The following NOX3 variants were observed in gnomAD, a reference collection of about 807,000 sequenced individuals.
The protein encoded by NOX3 is NADPH oxidase catalytic subunit-like 3.
Under a neutral mutation model 76.7 loss-of-function variants are expected in NOX3, and 74 were observed. That is an observed-to-expected ratio of 0.96 (90% CI 0.80 to 1.17). The LOEUF (loss-of-function observed/expected upper bound fraction) is 1.17, where lower values mean the gene tolerates loss of function less well. Ranked by LOEUF, NOX3 falls within the 50% of genes most tolerant of loss-of-function variation. The pLI is 0.00. For synonymous variants in NOX3, 263 were observed against 261.1 expected (o/e 1.01, Z -0.07); for missense variants, 695 against 703.3 (o/e 0.99, Z 0.13).
intron 7 of NOX3, among the ~76,000 whole-genome samples, chr6:155,432,390 C>G (rs553924978): frequency 7.4e-6 from 1 of 135,568 alleles, no homozygotes; most frequent in Admixed American, 8.7e-5. Context: ...CACCTTACTC[C>G]TTGAATAGTA....
intron 10 of NOX3, among the ~76,000 whole-genome samples, chr6:155,414,622 TC>T (rs1356720701): frequency 3.1e-5 from 4 of 128,758 alleles, no homozygotes; most frequent in African/African-American, 1.0e-4. Context: ...TTCTTTTCTT[TC>T]TTTTTTTTTT....
At chr6:155,419,043 C>T (rs944399904) in intron 10 of NOX3, among the ~76,000 whole-genome samples, 5 of 152,194 alleles carry the variant, frequency 3.3e-5, no homozygotes, top group African/African-American at 1.2e-4. Context: ...TGTGAAGACA[C>T]CGTTAGATAA....
rs1256845254 is a variant in NOX3, at chr6:155,442,254, ACT to A, written c.486+1017_486+1018del. 2.0e-5 allele frequency among the ~76,000 whole-genome samples: 3 copies of A among 152,046 alleles called. No homozygotes were observed. The South Asian group carries it at 6.2e-4, about 32-fold the overall frequency. On this transcript the variant is annotated intron_variant, in intron 5 of 13. Coordinates refer to ENST00000159060, the MANE Select transcript of NOX3 (RefSeq NM_015718.3). ...ACTCCAGCTCTGGCAACAGAGTGAG[ACT>A]CTGTCTCAAAAAAAATAAATAAATA...
intron 4 of NOX3, 101 bp from the exon 5 acceptor site, chr6:155,443,519 T>G (rs1308881257): frequency 2.2e-5 from 31 of 1,384,218 alleles, no homozygotes; most frequent in Non-Finnish European, 3.0e-5. Flanking sequence ...TCTGTTCTGG[T>G]TTTTGTAATC....
At chr6:155,428,025 C>A (rs943454822) in intron 9 of NOX3, among the ~76,000 whole-genome samples, 2 of 152,202 alleles carry the variant, frequency 1.3e-5, no homozygotes, top group Non-Finnish European at 2.9e-5. Context: ...CTCAGCCACC[C>A]AGATAGCTGG....
At chr6:155,398,450 C>G (rs533961377) in intron 12 of NOX3, among the ~76,000 whole-genome samples, 2 of 152,284 alleles carry the variant, frequency 1.3e-5, no homozygotes, top group East Asian at 3.9e-4. Context: ...TGCCATGTGT[C>G]ATAGCCACAT....
At chr6:155,409,682 A>G (rs1225996241) in intron 11 of NOX3, among the ~76,000 whole-genome samples, 1 of 152,324 alleles carries the variant, frequency 6.6e-6, no homozygotes, top group South Asian at 2.1e-4. Context: ...CTTTCCCGAC[A>G]GAATGCACCA....
intron 4 of NOX3, among the ~76,000 whole-genome samples, chr6:155,448,641 CAAAAAA>C (rs34503841): frequency 4.4e-5 from 5 of 113,922 alleles, no homozygotes; most frequent in Non-Finnish European, 1.8e-5. Flanking sequence ...AAGAGTGAAC[CAAAAAA>C]AAAAAAAAAA....
chr6:155,414,575 T>A (rs1776598743), intron 10 of NOX3, among the ~76,000 whole-genome samples: 1 of 151,702 alleles, frequency 6.6e-6, no homozygotes, highest in African/African-American at 2.4e-5. Context: ...ATAAAATTAT[T>A]TTTTTTTACA....
chr6:155,444,217 A>G (rs1243550815), intron 4 of NOX3, among the ~76,000 whole-genome samples: 1 of 152,204 alleles, frequency 6.6e-6, no homozygotes, highest in African/African-American at 2.4e-5. Context: ...GTCAACCACA[A>G]TCAGAAAATA....
At chr6:155,433,545 C>G (rs1292026503) in intron 7 of NOX3, among the ~76,000 whole-genome samples, 2 of 152,220 alleles carry the variant, frequency 1.3e-5, no homozygotes, top group African/African-American at 2.4e-5. Context: ...AAAATGGGAA[C>G]TAGCTGGAGA....
chr6:155,426,550 C>T (rs545687859), intron 9 of NOX3, among the ~76,000 whole-genome samples: 2 of 152,196 alleles, frequency 1.3e-5, no homozygotes, highest in Admixed American at 1.3e-4. Context: ...GAACAGAGAC[C>T]TGAAGGAAGA....
At chr6:155,405,569 A>G (rs1288345108) in intron 12 of NOX3, among the ~76,000 whole-genome samples, 2 of 152,162 alleles carry the variant, frequency 1.3e-5, no homozygotes, top group East Asian at 3.8e-4. Context: ...TATGACAGGC[A>G]TCATAAGCTA....
chr6:155,430,012 A>G (rs527253975), intron 8 of NOX3, among the ~76,000 whole-genome samples: 2 of 152,358 alleles, frequency 1.3e-5, no homozygotes, highest in East Asian at 3.9e-4. Context: ...ACAGCAACAC[A>G]GAAACAGCTT....
At chr6:155,421,792 AC>A (rs1190012448) in intron 10 of NOX3, among the ~76,000 whole-genome samples, 2 of 151,808 alleles carry the variant, frequency 1.3e-5, no homozygotes, top group African/African-American at 4.8e-5. Flanking sequence ...ACTGCGCCCC[AC>A]CCCCGCAGAA....
chr6:155,453,468 C>T lies in NOX3; in HGVS notation c.276G>A (p.Arg92=), dbSNP rs1346339513. 3 of 1,613,564 alleles carry T rather than the reference C, an allele frequency of 1.9e-6. No homozygotes were observed. Among genetic ancestry groups the T allele is most frequent in the Non-Finnish European group, 2.5e-6 (3 of 1,179,602 alleles). ...GTSICCRGPW[R]RQLDKNLRFH... ...ATCTGAGGTTTTTGTCTAATTGCCTCCTCCACGGTCCTCTGCAGCACTAGA... is the reference window on the plus strand; with the variant it reads ...ATCTGAGGTTTTTGTCTAATTGCCTTCTCCACGGTCCTCTGCAGCACTAGA... The change falls in exon 4 of 14, where the codon AGG becomes AGA. Residue 92 remains arginine, a synonymous_variant. Coordinates refer to ENST00000159060, the MANE Select transcript of NOX3 (RefSeq NM_015718.3).
At chr6:155,450,823 G>A (rs1033071964) in intron 4 of NOX3, among the ~76,000 whole-genome samples, 1 of 151,972 alleles carries the variant, frequency 6.6e-6, no homozygotes, top group Admixed American at 6.5e-5. Flanking sequence ...GTGGCAGGGG[G>A]CACAGGCAGG....
At position 155,440,050 on chromosome 6, in the gene NOX3, T is replaced by C. The variant is rs765346037; in HGVS notation, c.574A>G (p.Thr192Ala). The C allele has an allele frequency of 6.2e-7, 1 of 1,613,942 alleles. No individual in the cohort carries two copies. The highest frequency in any genetic ancestry group is 1.6e-4 in the Middle Eastern group (1 of 6,062). The change falls in exon 6 of 14, where the codon ACT becomes GCT. Residue 192 changes from threonine (T) to alanine (A), a missense_variant. Coordinates refer to ENST00000159060, the MANE Select transcript of NOX3 (RefSeq NM_015718.3). Reference sequence around the variant, plus strand: ...TAGGAGGCCTGTCTGATGAACTCAGTTGACGAGGTCATGATCAAGACTAAA... The same window carrying C: ...TAGGAGGCCTGTCTGATGAACTCAGCTGACGAGGTCATGATCAAGACTAAA... ...LALVLIMTSS[T>A]EFIRQASYEL... is the part of the protein sequence containing the mutation.
rs966929173 is a variant in NOX3 at position 155,454,740 on chromosome 6, A to G, written c.255+71T>C. 5.6e-6 allele frequency: 5 copies of G among 889,014 alleles called. No individual in the cohort carries two copies. The East Asian group carries it at 1.4e-4, about 24-fold the overall frequency. 55.1% of individuals were successfully genotyped at this position (889,014 alleles called of 1,614,324 possible). A position where few individuals can be genotyped will look rare whatever the true frequency, so the allele number is the denominator to read the frequency against. On this transcript the variant is annotated intron_variant, in intron 3 of 13. Transcript: ENST00000159060. ...TACTGAGAATTTCATAATAAAGTACATTTTTTTTCAATGGCACTTATATGA... is the reference window on the plus strand; with the variant it reads ...TACTGAGAATTTCATAATAAAGTACGTTTTTTTTCAATGGCACTTATATGA...
Sources: allele counts gnomAD v4.1 joint callset (sites outside exome capture counted in the v4.1 genomes callset), GRCh38; gene constraint gnomAD v4.1.1; transcripts MANE v1.5; gene names NCBI Gene and HGNC (gene_info 2026-07-23, HGNC 2026-07-21).